DPYD: variants seen among roughly 807,000 people sequenced by gnomAD.
DPYD encodes dihydropyrimidine dehydrogenase [NADP(+)].
A neutral mutation model predicts 116.2 loss-of-function variants in DPYD; 109 were observed. The observed-to-expected ratio is 0.94, with a 90% CI of 0.80 to 1.10. The LOEUF (loss-of-function observed/expected upper bound fraction) is 1.10. DPYD is among the 50% of genes least tolerant of loss of function. DPYD has a pLI of 0.00. For synonymous variants in DPYD, 440 were observed against 432.0 expected (o/e 1.02, Z -0.23); for missense variants, 1,302 against 1,254.5 (o/e 1.04, Z -0.57).
chr1:97,543,667 A>G (rs1345417282), intron 12 of DPYD, among the ~76,000 whole-genome samples: 2 of 151,834 alleles, frequency 1.3e-5, no homozygotes, highest in Admixed American at 1.3e-4. Flanking sequence ...CATTTGTGAG[A>G]AAACAATATT....
At chr1:97,082,621 T>C (rs1649240009) in intron 21 of DPYD, 151 bp from the exon 22 acceptor site, 1 of 933,230 alleles carries the variant, frequency 1.1e-6, no homozygotes, top group Non-Finnish European at 1.6e-6. Context: ...ATAAGCTTTT[T>C]ATGATAATTA....
chr1:97,688,669 A>G (rs1013911038), intron 7 of DPYD, among the ~76,000 whole-genome samples: 1 of 152,106 alleles, frequency 6.6e-6, no homozygotes, highest in African/African-American at 2.4e-5. Context: ...AATAAAAATA[A>G]AGCAAAACAA....
At chr1:97,691,599 C>A (rs1661010103) in intron 7 of DPYD, 118 bp downstream of exon 7, 12 of 873,358 alleles carry the variant, frequency 1.4e-5, no homozygotes, top group Non-Finnish European at 1.8e-6. Context: ...TCTGCTTCTG[C>A]CTGATGTAGC....
At chr1:97,312,232 T>C (rs1667563392) in intron 16 of DPYD, among the ~76,000 whole-genome samples, 1 of 151,824 alleles carries the variant, frequency 6.6e-6, no homozygotes, top group Non-Finnish European at 1.5e-5. Context: ...TGATCACCTA[T>C]CATGATTTGC....
intron 2 of DPYD, among the ~76,000 whole-genome samples, chr1:97,847,253 C>T (rs1293201896): frequency 6.6e-6 from 1 of 152,016 alleles, no homozygotes; most frequent in Non-Finnish European, 1.5e-5. Flanking sequence ...TACAAAAACA[C>T]GTCAAATAAT....
chr1:97,495,518 T>A (rs1055270188), intron 13 of DPYD, among the ~76,000 whole-genome samples: 2 of 152,100 alleles, frequency 1.3e-5, no homozygotes, highest in African/African-American at 4.8e-5. Flanking sequence ...AAATGGTTTG[T>A]TATATTGTTG....
intron 18 of DPYD, among the ~76,000 whole-genome samples, chr1:97,275,005 T>C (rs559454495): frequency 6.6e-6 from 1 of 152,250 alleles, no homozygotes; most frequent in Non-Finnish European, 1.5e-5. Flanking sequence ...ACTGAGAAGC[T>C]GGTTCTAAGG....
intron 12 of DPYD, among the ~76,000 whole-genome samples, chr1:97,532,400 T>C (rs940237410): frequency 2.0e-5 from 3 of 152,140 alleles, no homozygotes; most frequent in Non-Finnish European, 4.4e-5. Flanking sequence ...CCTCATAAAA[T>C]GAGTATGGAA....
intron 18 of DPYD, among the ~76,000 whole-genome samples, chr1:97,261,377 A>T (rs75809710): frequency 6.6e-6 from 1 of 152,124 alleles, no homozygotes; most frequent in South Asian, 2.1e-4. Flanking sequence ...ATCTATCCAA[A>T]ATTAATGTAG....
intron 1 of DPYD, among the ~76,000 whole-genome samples, chr1:97,897,034 T>C (rs1441432227): frequency 6.6e-6 from 1 of 151,930 alleles, no homozygotes; most frequent in Non-Finnish European, 1.5e-5. Flanking sequence ...TTTTACCTAC[T>C]ATTGTTTCCT....
chr1:97,097,977 C>T (rs1362076577), intron 21 of DPYD, among the ~76,000 whole-genome samples: 4 of 152,118 alleles, frequency 2.6e-5, no homozygotes, highest in East Asian at 3.9e-4. Flanking sequence ...AACACATACT[C>T]ATAATTCTAT....
At chr1:97,686,651 A>AG (rs1660750679) in intron 7 of DPYD, among the ~76,000 whole-genome samples, 1 of 148,334 alleles carries the variant, frequency 6.7e-6, no homozygotes, top group Admixed American at 6.7e-5. Context: ...AAAAAAAAAA[A>AG]AAAAAAAAAA....
intron 8 of DPYD, among the ~76,000 whole-genome samples, chr1:97,675,004 A>C (rs1660065021): frequency 6.6e-6 from 1 of 152,204 alleles, no homozygotes; most frequent in African/African-American, 2.4e-5. Context: ...TAAAAAATAC[A>C]TTTTATTTTA....
intron 1 of DPYD, among the ~76,000 whole-genome samples, chr1:97,892,515 C>A (rs1036182234): frequency 4.6e-5 from 7 of 151,708 alleles, no homozygotes; most frequent in Admixed American, 6.6e-5. Context: ...GGAGAGAATG[C>A]AGCTTTATTT....
At chr1:97,161,044 TGGTCTA>T (rs1318230417) in intron 20 of DPYD, among the ~76,000 whole-genome samples, 1 of 152,102 alleles carries the variant, frequency 6.6e-6, no homozygotes, top group Non-Finnish European at 1.5e-5. Flanking sequence ...TAGCATACAG[TGGTCTA>T]ACTCCATCCT....
chr1:97,540,433 A>G (rs897771857), intron 12 of DPYD, among the ~76,000 whole-genome samples: 1 of 152,180 alleles, frequency 6.6e-6, no homozygotes. Context: ...AGAGTATTTT[A>G]AAGGATACAA....
chr1:97,734,607 T>C (rs1663819489), intron 4 of DPYD, among the ~76,000 whole-genome samples: 1 of 152,202 alleles, frequency 6.6e-6, no homozygotes, highest in Non-Finnish European at 1.5e-5. Context: ...TTCCAGGGCA[T>C]ATTGAAAACT....
At chr1:97,298,156 A>T (rs1558009529) in intron 18 of DPYD, among the ~76,000 whole-genome samples, 1 of 152,200 alleles carries the variant, frequency 6.6e-6, no homozygotes, top group Non-Finnish European at 1.5e-5. Flanking sequence ...TTTTGGAAAT[A>T]AGATATTCTA....
Position 97,595,176 on chromosome 1 carries a change from C to G in DPYD, c.851-10G>C. The G allele has an allele frequency of 1.2e-6, 2 of 1,608,854 alleles. No individual in the cohort carries two copies. Among genetic ancestry groups the G allele is most frequent in the Non-Finnish European group, 1.7e-6 (2 of 1,175,600 alleles). On this transcript the variant is annotated splice_polypyrimidine_tract_variant and intron_variant, in intron 8 of 22. Transcript: ENST00000370192. ...TTGGGTTCTGGCAAACCTAAGTAAT[C>G]AAATTTATAAAATATCATTAGCAGG...
Sources: gnomAD v4.1 joint callset for allele counts (sites outside exome capture counted in the v4.1 genomes callset) on GRCh38, gnomAD v4.1.1 for gene constraint, MANE v1.5 for transcripts, NCBI Gene and HGNC (gene_info 2026-07-23, HGNC 2026-07-21) for gene names.